The following FBLN1 variants were observed in gnomAD, a reference collection of about 807,000 sequenced individuals.
The protein encoded by FBLN1 is fibulin 1, also known as fibulin-1.
In FBLN1, 34 loss-of-function variants were observed where a neutral mutation model predicts 89.7. The observed-to-expected ratio is 0.38, with a 90% CI of 0.29 to 0.50. FBLN1 has a LOEUF of 0.50. FBLN1 is among the 20% of genes least tolerant of loss of function. The pLI is 0.92. For missense variants in FBLN1, 777 were observed against 988.1 expected (o/e 0.79, Z 2.86); for synonymous variants, 393 against 391.3 (o/e 1.00, Z -0.05).
chr22:45,600,631 A>G lies in FBLN1; in HGVS notation c.*185A>G. 1 of 722,504 alleles carries G rather than the reference A, an allele frequency of 1.4e-6. No individual in the cohort carries two copies. The highest frequency in any genetic ancestry group is 1.6e-5 in the South Asian group (1 of 63,232). 44.8% of individuals were successfully genotyped at this position (722,504 alleles called of 1,614,324 possible). A position where few individuals can be genotyped will look rare whatever the true frequency, so the allele number is the denominator to read the frequency against. On this transcript the variant is annotated 3_prime_UTR_variant, in exon 17 of 17. Coordinates refer to ENST00000327858, the MANE Select transcript of FBLN1 (RefSeq NM_006486.3). ...CTGATGTATTTTCGGTGTTTAAAAA[A>G]TGAGCCCAGTTGCTCAACTGTTTGG...
chr22:45,599,359 A>G (rs2089211945), intron 16 of FBLN1, among the ~76,000 whole-genome samples: 1 of 152,128 alleles, frequency 6.6e-6, no homozygotes, highest in Admixed American at 6.5e-5. Context: ...TGTTATCACA[A>G]ACACTGAACA....
chr22:45,591,504 C>T (rs1349974279), intron 16 of FBLN1, among the ~76,000 whole-genome samples: 7 of 152,130 alleles, frequency 4.6e-5, no homozygotes, highest in Admixed American at 3.9e-4. Flanking sequence ...GGGAGACCTG[C>T]GGAAGGAGCA....
chr22:45,504,643 C>A (rs2087993984), intron 1 of FBLN1, among the ~76,000 whole-genome samples: 1 of 152,150 alleles, frequency 6.6e-6, no homozygotes, highest in African/African-American at 2.4e-5. Context: ...GTAAAACTCT[C>A]CCTGGCCCCG....
At chr22:45,527,181 TTAA>T (rs1260821510) in intron 3 of FBLN1, among the ~76,000 whole-genome samples, 4 of 152,176 alleles carry the variant, frequency 2.6e-5, no homozygotes, top group Non-Finnish European at 2.9e-5. Flanking sequence ...GGATAACCAC[TTAA>T]TAAAGACTGA....
In FBLN1 at chr22:45,577,708, C is replaced by T. The variant is rs533633733; in HGVS notation, c.1972+600C>T. Among the ~76,000 whole-genome samples, 13 of 152,264 alleles carry T rather than the reference C, an allele frequency of 8.5e-5. No individual in the cohort carries two copies. The South Asian group carries it at 1.9e-3, about 22-fold the overall frequency. ...TCACTGCTCTTTCTCCCTGGAGATC[C>T]GGTGTTTGGGGAGCGTGAAGGGAGG... On this transcript the variant is annotated intron_variant, in intron 16 of 16. Transcript: ENST00000327858. This position sits in a 1 kb window ranked among gnomAD's most constrained non-coding sequence, Gnocchi z 6.6.
chr22:45,578,066 T>C lies in FBLN1; in HGVS notation c.1972+958T>C, dbSNP rs757177561. 1 of 152,146 alleles carries C rather than the reference T, an allele frequency of 6.6e-6. No individual in the cohort carries two copies. Among genetic ancestry groups the C allele is most frequent in the Non-Finnish European group, 1.5e-5 (1 of 68,096 alleles). 9.4% of individuals were successfully genotyped at this position (152,146 alleles called of 1,614,324 possible). On this transcript the variant is annotated intron_variant, in intron 16 of 16. Transcript: ENST00000327858. The surrounding 1 kb of genome is among the most constrained non-coding windows in gnomAD (Gnocchi z 4.6). ...CCTCCCCTGGGCCTCAGTTTCCCCATTGTGAACTGGGAGGAGTGGGCTTCC... is the reference window on the plus strand; with the variant it reads ...CCTCCCCTGGGCCTCAGTTTCCCCACTGTGAACTGGGAGGAGTGGGCTTCC...
intron 16 of FBLN1, among the ~76,000 whole-genome samples, chr22:45,587,153 A>G (rs1163493653): frequency 6.6e-6 from 1 of 152,040 alleles, no homozygotes; most frequent in Non-Finnish European, 1.5e-5. Context: ...GTGCCTGGCC[A>G]CTGGTTCCTG....
intron 16 of FBLN1, among the ~76,000 whole-genome samples, chr22:45,582,130 G>A (rs2089047309): frequency 6.6e-6 from 1 of 152,344 alleles, no homozygotes; most frequent in South Asian, 2.1e-4. Flanking sequence ...GCCAGGAAGT[G>A]TTCGAGGATA....
chr22:45,538,403 G>A (rs552989575), intron 8 of FBLN1, among the ~76,000 whole-genome samples: 5 of 152,172 alleles, frequency 3.3e-5, no homozygotes, highest in East Asian at 1.9e-4. Flanking sequence ...AATCCTGCCC[G>A]CCTCTTGGCA....
chr22:45,509,875 T>C (rs958681221), intron 1 of FBLN1, among the ~76,000 whole-genome samples: 1 of 151,964 alleles, frequency 6.6e-6, no homozygotes, highest in Non-Finnish European at 1.5e-5. Context: ...CTTTAGACAA[T>C]GCTGTGGGGC....
intron 1 of FBLN1, among the ~76,000 whole-genome samples, chr22:45,514,842 G>T (rs2088148586): frequency 6.6e-6 from 1 of 152,212 alleles, no homozygotes; most frequent in South Asian, 2.1e-4. Context: ...AGTGTTGGAG[G>T]CTGCCAGGAC....
intron 1 of FBLN1, among the ~76,000 whole-genome samples, chr22:45,511,596 G>A (rs1169348011): frequency 4.0e-5 from 6 of 151,834 alleles, no homozygotes; most frequent in African/African-American, 9.7e-5. Context: ...TCAGGTGCCC[G>A]CCACCATGCC....
chr22:45,547,051 T>C (rs369758080), intron 11 of FBLN1, 34 bp from the exon 12 acceptor site: 10 of 1,613,662 alleles, frequency 6.2e-6, no homozygotes, highest in African/African-American at 4.0e-5. Flanking sequence ...GGACGTATGA[T>C]GCTCTGAGCG....
chr22:45,570,807 C>T (rs1198929479), intron 14 of FBLN1, among the ~76,000 whole-genome samples: 2 of 152,066 alleles, frequency 1.3e-5, no homozygotes, highest in Non-Finnish European at 2.9e-5. Context: ...ACACATAACA[C>T]ATTCTTGTGA....
intron 16 of FBLN1, among the ~76,000 whole-genome samples, chr22:45,595,019 T>C (rs2089172826): frequency 6.6e-6 from 1 of 152,158 alleles, no homozygotes; most frequent in Non-Finnish European, 1.5e-5. Context: ...AGCTGAACTG[T>C]TAAGGTCCTC....
At chr22:45,592,786 TCTCCTCTGAG>T (rs759181771) in intron 16 of FBLN1, among the ~76,000 whole-genome samples, 19 of 152,094 alleles carry the variant, frequency 1.2e-4, no homozygotes, top group Non-Finnish European at 2.5e-4. Flanking sequence ...CCTGTTTGGG[TCTCCTCTGAG>T]CTCCTGGCCT....
At chr22:45,507,716 T>C (rs761642462) in intron 1 of FBLN1, among the ~76,000 whole-genome samples, 34 of 152,006 alleles carry the variant, frequency 2.2e-4, no homozygotes, top group Non-Finnish European at 3.7e-4. Context: ...TTAGTAGAGA[T>C]GTAGTTTCAC....
At chr22:45,541,567 G>A (rs2088556796) in intron 9 of FBLN1, among the ~76,000 whole-genome samples, 195 bp downstream of exon 9, 1 of 152,194 alleles carries the variant, frequency 6.6e-6, no homozygotes, top group Admixed American at 6.5e-5. Flanking sequence ...TACTGCCTCA[G>A]CCTTGTCTGG....
chr22:45,521,362 G>C (rs548655326), intron 2 of FBLN1, among the ~76,000 whole-genome samples: 1 of 152,184 alleles, frequency 6.6e-6, no homozygotes, highest in African/African-American at 2.4e-5. Flanking sequence ...GTCACCAGAT[G>C]CAAGTGACTG....
Sources: gnomAD v4.1 joint callset for allele counts (sites outside exome capture counted in the v4.1 genomes callset) on GRCh38, gnomAD v4.1.1 for gene constraint, Gnocchi (gnomAD v3.1) non-coding constraint, MANE v1.5 for transcripts, NCBI Gene and HGNC (gene_info 2026-07-23, HGNC 2026-07-21) for gene names.